The following KLHL14 variants were observed in gnomAD, a reference collection of about 807,000 sequenced individuals.
The protein encoded by KLHL14 is kelch like family member 14.
In KLHL14, 22 loss-of-function variants were observed where a neutral mutation model predicts 64.3. The ratio of observed to expected loss-of-function variants is 0.34; its 90% CI spans 0.24 to 0.49. KLHL14 has a LOEUF of 0.49. Ranked by LOEUF, KLHL14 falls within the 20% of genes least tolerant of loss-of-function variation. The pLI, the probability that KLHL14 is intolerant of heterozygous loss-of-function variation, is 0.99. For missense variants in KLHL14, 661 were observed against 789.0 expected, an observed-to-expected ratio of 0.84 and a Z score of 1.94; for synonymous variants, 322 against 333.4, an observed-to-expected ratio of 0.97 and a Z score of 0.37.
chr18:32,709,588 A>G (rs2050008870), intron 3 of KLHL14, among the ~76,000 whole-genome samples: 1 of 152,000 alleles, frequency 6.6e-6, no homozygotes, highest in African/African-American at 2.4e-5. Flanking sequence ...TGCTAGGACT[A>G]TAGGTGTGTG....
chr18:32,753,128 T>C (rs150266892), intron 2 of KLHL14, among the ~76,000 whole-genome samples: 1 of 152,304 alleles, frequency 6.6e-6, no homozygotes, highest in East Asian at 1.9e-4. Context: ...CGTTAAAATA[T>C]AACAATACCT....
At chr18:32,772,245 C>A (rs1217738560) in intron 1 of KLHL14, 8 of 399,406 alleles carry the variant, frequency 2.0e-5, no homozygotes, top group Non-Finnish European at 3.6e-5. Context: ...CCTATTTATA[C>A]CGGACTGGGC....
chr18:32,678,611 T>C (rs2049822688), intron 7 of KLHL14, among the ~76,000 whole-genome samples: 1 of 152,192 alleles, frequency 6.6e-6, no homozygotes, highest in Non-Finnish European at 1.5e-5. Flanking sequence ...CATTTGAAGA[T>C]ATATGTGCCT....
chr18:32,767,128 T>C (rs1470538202), intron 2 of KLHL14, among the ~76,000 whole-genome samples: 2 of 152,220 alleles, frequency 1.3e-5, no homozygotes, highest in Admixed American at 1.3e-4. Context: ...ATGAAAGTGA[T>C]GTAATCTCAA....
chr18:32,694,637 T>C (rs2049928163), intron 4 of KLHL14, among the ~76,000 whole-genome samples: 1 of 152,248 alleles, frequency 6.6e-6, no homozygotes, highest in Admixed American at 6.5e-5. Flanking sequence ...TTGGTGCAGA[T>C]GCTGAAAGAG....
At chr18:32,694,720 G>A (rs747762896) in intron 4 of KLHL14, among the ~76,000 whole-genome samples, 1 of 152,154 alleles carries the variant, frequency 6.6e-6, no homozygotes, top group African/African-American at 2.4e-5. Flanking sequence ...GTAAAAATGT[G>A]TACCTGCAAG....
chr18:32,752,424 A>G (rs2050259290), intron 2 of KLHL14, among the ~76,000 whole-genome samples: 1 of 152,184 alleles, frequency 6.6e-6, no homozygotes. Flanking sequence ...TCCCAAATCT[A>G]AGCTGCTATT....
At chr18:32,763,812 G>T (rs1021156110) in intron 2 of KLHL14, among the ~76,000 whole-genome samples, 1 of 152,100 alleles carries the variant, frequency 6.6e-6, no homozygotes, top group South Asian at 2.1e-4. Context: ...AATTTACAAC[G>T]AACTCACATT....
chr18:32,695,580 T>A, intron 3 of KLHL14, 28 bp from the exon 4 acceptor site: 2 of 1,400,896 alleles, frequency 1.4e-6, no homozygotes, highest in Non-Finnish European at 2.0e-6. Flanking sequence ...AAAAAAGACA[T>A]ATGAAATTTT....
Position 32,769,920 on chromosome 18 carries a change from C to T in KLHL14, c.672G>A (p.Leu224=), listed in dbSNP as rs2050369646. ...LLLNFEEMRA[L]LDSLPPPVES... The stretch of plus-strand genomic sequence containing the variant: ...CCACGGGGGGCGGCAGCGAGTCCAG[C>T]AGGGCGCGCATCTCCTCGAAGTTGA... The change falls in exon 2 of 9, where the codon CTG becomes CTA. Residue 224 remains leucine, a synonymous_variant. Transcript: ENST00000359358. 1 of 1,614,162 alleles carries T rather than the reference C, an allele frequency of 6.2e-7. No homozygotes were observed. The highest frequency in any genetic ancestry group is 1.1e-5 in the South Asian group (1 of 91,076).
At chr18:32,761,133 A>G (rs1182890057) in intron 2 of KLHL14, among the ~76,000 whole-genome samples, 3 of 152,188 alleles carry the variant, frequency 2.0e-5, no homozygotes, top group African/African-American at 7.2e-5. Flanking sequence ...AAATGCTGCT[A>G]AGTATTTAGA....
intron 3 of KLHL14, among the ~76,000 whole-genome samples, chr18:32,730,775 T>C (rs1167975458): frequency 6.6e-6 from 1 of 152,218 alleles, no homozygotes; most frequent in African/African-American, 2.4e-5. Flanking sequence ...GTGGGAACAT[T>C]ATGGTCTTCG....
chr18:32,750,662 C>T (rs994768916), intron 2 of KLHL14, among the ~76,000 whole-genome samples: 3 of 152,172 alleles, frequency 2.0e-5, no homozygotes, highest in African/African-American at 4.8e-5. Flanking sequence ...ATTCAAGTCA[C>T]CGAATTTCAT....
At chr18:32,708,156 T>C (rs939671619) in intron 3 of KLHL14, among the ~76,000 whole-genome samples, 6 of 152,218 alleles carry the variant, frequency 3.9e-5, no homozygotes, top group Admixed American at 2.6e-4. Context: ...GATGTATTTC[T>C]GACAAACTGC....
At chr18:32,732,454 T>C (rs1236812391) in intron 3 of KLHL14, among the ~76,000 whole-genome samples, 1 of 152,200 alleles carries the variant, frequency 6.6e-6, no homozygotes, top group Non-Finnish European at 1.5e-5. Flanking sequence ...CTAGTAAATA[T>C]TTTGATTATC....
intron 3 of KLHL14, among the ~76,000 whole-genome samples, chr18:32,715,519 T>TC (rs34789034): frequency 0.29 from 43,496 of 151,814 alleles, 6,410 homozygotes; most frequent in Middle Eastern, 0.35. Context: ...ATTTTTTTTT[T>TC]AGTAGCTTCA....
intron 7 of KLHL14, 38 bp from the exon 8 acceptor site, chr18:32,677,368 A>G (rs781562652): frequency 1.3e-6 from 2 of 1,566,250 alleles, no homozygotes; most frequent in East Asian, 4.6e-5. Flanking sequence ...AAAATGATAA[A>G]TGCTCAGGGT....
chr18:32,722,725 G>A (rs2050085932), intron 3 of KLHL14, among the ~76,000 whole-genome samples: 1 of 152,164 alleles, frequency 6.6e-6, no homozygotes. Context: ...AACTTTTGGA[G>A]GCTGAGGCAA....
At position 32,731,744 on chromosome 18, in the gene KLHL14, T is replaced by C. The variant is rs187979784; in HGVS notation, c.1069+10184A>G. On this transcript the variant is annotated intron_variant, in intron 3 of 8. Coordinates refer to ENST00000359358, the MANE Select transcript of KLHL14 (RefSeq NM_020805.3). The stretch of plus-strand genomic sequence containing the variant: ...TATATCTATATAAATAATTTATATA[T>C]ATACATATTTGCATAACTATATTTT... 5.5e-3 allele frequency among the ~76,000 whole-genome samples: 829 copies of C among 151,944 alleles called. 14 individuals are homozygous for C. The highest frequency in any genetic ancestry group is 0.03 in the South Asian group (144 of 4,820).
Sources: allele counts gnomAD v4.1 joint callset (sites outside exome capture counted in the v4.1 genomes callset), GRCh38; gene constraint gnomAD v4.1.1; transcripts MANE v1.5; gene names NCBI Gene and HGNC (gene_info 2026-07-23, HGNC 2026-07-21).